Variants in UHRF1 observed in about 807,000 individuals in gnomAD.
UHRF1 encodes the protein ubiquitin like with PHD and ring finger domains 1.
Under a neutral mutation model 96.5 loss-of-function variants are expected in UHRF1, and 9 were observed. That is an observed-to-expected ratio of 0.09 (90% CI 0.06 to 0.16). UHRF1 has a LOEUF of 0.16. Ranked by LOEUF, UHRF1 falls within the 10% of genes least tolerant of loss-of-function variation. The pLI, the probability that UHRF1 is intolerant of heterozygous loss-of-function variation, is 1.00. For synonymous variants in UHRF1, 455 were observed against 469.9 expected (o/e 0.97, Z 0.41); for missense variants, 626 against 1,131.1 (o/e 0.55, Z 6.40).
At chr19:4,917,652 C>CAAAAAAAAAA (rs754990585) in intron 2 of UHRF1, among the ~76,000 whole-genome samples, 1 of 34,350 alleles carries the variant, frequency 2.9e-5, no homozygotes, top group African/African-American at 8.9e-5. Context: ...GACTCCGTCT[C>CAAAAAAAAAA]AAAAAAAAAA....
chr19:4,914,826 G>A (rs540922019), intron 2 of UHRF1, among the ~76,000 whole-genome samples: 77 of 152,230 alleles, frequency 5.1e-4, no homozygotes, highest in African/African-American at 1.8e-3. Context: ...TACCCACCAC[G>A]CTGCAGCGCA....
chr19:4,944,104 G>T (rs374761337), intron 7 of UHRF1, 28 bp from the exon 8 acceptor site: 6 of 1,612,276 alleles, frequency 3.7e-6, no homozygotes, highest in Non-Finnish European at 5.1e-6. Flanking sequence ...CAGGCTAGGC[G>T]TGGGCAGTGA....
At position 4,932,790 on chromosome 19, in the gene UHRF1, C is replaced by T. The variant is rs748641020; in HGVS notation, c.619C>T (p.Arg207Cys). ...GATGAACTCCAGGGACGTCCGAGCG[C>T]GCGCCCGCACCATCATCAAGTGGCA... The part of the protein sequence containing the change: ...VQMNSRDVRA[R>C]ARTIIKWQDL... Residue 207 changes from arginine (R) to cysteine (C), a missense_variant, in exon 5 of 17, where the codon CGC becomes TGC. Physicochemically the swap from Arg to Cys is radical, Grantham distance 180. Coordinates refer to ENST00000650932, the MANE Select transcript of UHRF1 (RefSeq NM_001048201.3). 5.0e-6 allele frequency: 8 copies of T among 1,613,900 alleles called. No homozygotes were observed. Among genetic ancestry groups the T allele is most frequent in the East Asian group, 2.2e-5 (1 of 44,880 alleles).
chr19:4,916,199 G>T (rs1021133359), intron 2 of UHRF1, among the ~76,000 whole-genome samples: 1 of 152,058 alleles, frequency 6.6e-6, no homozygotes, highest in Non-Finnish European at 1.5e-5. Context: ...CTAGCTACTC[G>T]GGAGGCCAAG....
Position 4,954,584 on chromosome 19 carries a change from C to A in UHRF1, c.1958-66C>A. The A allele has an allele frequency of 1.3e-6, 2 of 1,590,540 alleles. No homozygotes were observed. The highest frequency in any genetic ancestry group is 1.7e-6 in the Non-Finnish European group (2 of 1,167,362). On this transcript the variant is annotated intron_variant, in intron 14 of 16. Coordinates refer to ENST00000650932, the MANE Select transcript of UHRF1 (RefSeq NM_001048201.3). This position sits in a 1 kb window ranked among gnomAD's most constrained non-coding sequence, Gnocchi z 5.9. ...GGTTGAGGTCGTGTGGACGTGGGAG[C>A]CGGTGGCTGTCTCTCCGGCAGCTCG...
At chr19:4,920,994 T>C (rs1599250669) in intron 2 of UHRF1, among the ~76,000 whole-genome samples, 3 of 151,798 alleles carry the variant, frequency 2.0e-5, no homozygotes, top group Middle Eastern at 3.4e-3. Context: ...CGTGGTGGCA[T>C]GCACCTGCAG....
At chr19:4,909,872 G>C (rs1374511967) in intron 1 of UHRF1, 2 of 380,160 alleles carry the variant, frequency 5.3e-6, no homozygotes, top group Non-Finnish European at 9.3e-6. Flanking sequence ...GAGCCCGGCG[G>C]GGGGTCGAGC....
In UHRF1 at chr19:4,918,800, A is replaced by G. The variant is rs553747874; in HGVS notation, c.153+7762A>G. 3.5e-5 allele frequency among the ~76,000 whole-genome samples: 5 copies of G among 144,758 alleles called. 1 individual carries two copies. Among genetic ancestry groups the G allele is most frequent in the African/African-American group, 1.3e-4 (5 of 38,416 alleles). 95.0% of individuals were successfully genotyped at this position (144,758 alleles called of 152,430 possible). A position where few individuals can be genotyped will look rare whatever the true frequency, so the allele number is the denominator to read the frequency against. On this transcript the variant is annotated intron_variant, in intron 2 of 16. Transcript: ENST00000650932. ...CAGTGGCACGATCTTAGCTCACTGC[A>G]GCCTCGAATTCCTGAGCTCAAGTGA...
intron 7 of UHRF1, among the ~76,000 whole-genome samples, chr19:4,943,259 G>A (rs768947773): frequency 2.9e-4 from 44 of 151,936 alleles, no homozygotes; most frequent in Non-Finnish European, 5.6e-4. Flanking sequence ...AAAAAGGGGG[G>A]GTGGTGAGGA....
chr19:4,912,738 T>C (rs1197618655), intron 2 of UHRF1, among the ~76,000 whole-genome samples: 2 of 152,090 alleles, frequency 1.3e-5, no homozygotes, highest in Non-Finnish European at 2.9e-5. Context: ...GTATTTGTTT[T>C]TGGTTCTGTT....
intron 11 of UHRF1, among the ~76,000 whole-genome samples, chr19:4,950,141 G>A (rs1276280043): frequency 2.0e-5 from 3 of 150,394 alleles, no homozygotes; most frequent in African/African-American, 5.0e-5. Flanking sequence ...AGAGTACTGG[G>A]ATTAGAGGCG....
At chr19:4,907,827 C>G (rs1182009409), upstream of UHRF1, among the ~76,000 whole-genome samples, 1 of 151,102 alleles carries the variant, frequency 6.6e-6, no homozygotes, top group Non-Finnish European at 1.5e-5. Flanking sequence ...ATTCTCCTGC[C>G]TCAGCCTCCC....
intron 10 of UHRF1, among the ~76,000 whole-genome samples, chr19:4,946,646 C>T (rs552043569): frequency 1.1e-4 from 17 of 151,802 alleles, no homozygotes; most frequent in African/African-American, 3.9e-4. Flanking sequence ...GTGATCACAG[C>T]TCACTACAGC....
chr19:4,911,077 C>T (rs1599234534), intron 2 of UHRF1, 39 bp downstream of exon 2: 6 of 1,487,442 alleles, frequency 4.0e-6, no homozygotes, highest in African/African-American at 1.4e-5. Context: ...ATGCCTGGTC[C>T]AGGCCTCGCG....
At chr19:4,935,562 T>G (rs2033191834) in intron 5 of UHRF1, among the ~76,000 whole-genome samples, 1 of 151,946 alleles carries the variant, frequency 6.6e-6, no homozygotes, top group Admixed American at 6.6e-5. Context: ...TTTTTTTAAC[T>G]TGGTTCTTGG....
intron 2 of UHRF1, among the ~76,000 whole-genome samples, chr19:4,921,934 T>G (rs1408532743): frequency 6.6e-6 from 1 of 152,128 alleles, no homozygotes; most frequent in Non-Finnish European, 1.5e-5. Context: ...AAAAACTCGA[T>G]TTTTATTTTT....
At chr19:4,907,159 G>GAT (rs1325430991), upstream of UHRF1, among the ~76,000 whole-genome samples, 3 of 152,202 alleles carry the variant, frequency 2.0e-5, no homozygotes, top group Admixed American at 1.3e-4. Context: ...ACCCAGGTGG[G>GAT]AGTACACTGG....
chr19:4,909,401 C>T, upstream of UHRF1: 1 of 646,308 alleles, frequency 1.5e-6, no homozygotes, highest in Non-Finnish European at 2.8e-6. Flanking sequence ...TCTCGCTTCC[C>T]GCCACTGCGT....
chr19:4,916,912 T>C (rs773783207), intron 2 of UHRF1, among the ~76,000 whole-genome samples: 2 of 152,184 alleles, frequency 1.3e-5, no homozygotes, highest in African/African-American at 2.4e-5. Flanking sequence ...CGGTCTTTGC[T>C]GAGCTCCTAA....
Sources: allele counts gnomAD v4.1 joint callset (sites outside exome capture counted in the v4.1 genomes callset), GRCh38; gene constraint gnomAD v4.1.1; non-coding constraint Gnocchi (gnomAD v3.1); transcripts MANE v1.5; gene names NCBI Gene and HGNC (gene_info 2026-07-23, HGNC 2026-07-21).